The following TMEM92 variants were observed in gnomAD, a reference collection of about 807,000 sequenced individuals.
TMEM92 encodes transmembrane protein 92.
Under a neutral mutation model 14.6 loss-of-function variants are expected in TMEM92, and 15 were observed. The ratio of observed to expected loss-of-function variants is 1.03; its 90% CI spans 0.69 to 1.58. The LOEUF (loss-of-function observed/expected upper bound fraction) is 1.58. Ranked by LOEUF, TMEM92 falls within the 40% of genes most tolerant of loss-of-function variation. TMEM92 has a pLI of 0.00. For synonymous variants in TMEM92, 85 were observed against 83.3 expected (o/e 1.02, Z -0.11); for missense variants, 174 against 202.4 (o/e 0.86, Z 0.85).
chr17:50,277,566 G>T, intron 1 of TMEM92, 149 bp from the exon 2 acceptor site: 1 of 858,822 alleles, frequency 1.2e-6, no homozygotes, highest in Non-Finnish European at 1.9e-6. Context: ...GAACACGGTG[G>T]AGTGAGGTGG....
chr17:50,277,477 G>C (rs912625441), intron 1 of TMEM92, among the ~76,000 whole-genome samples: 15 of 152,050 alleles, frequency 9.9e-5, no homozygotes, highest in African/African-American at 3.1e-4. Flanking sequence ...TTACAAACCC[G>C]GGGGTGATGG....
chr17:50,277,016 T>C (rs1156835596), intron 1 of TMEM92, among the ~76,000 whole-genome samples: 1 of 151,854 alleles, frequency 6.6e-6, no homozygotes, highest in East Asian at 1.9e-4. Flanking sequence ...TTGCTATCAA[T>C]GGAGGGAAAT....
intron 1 of TMEM92, chr17:50,274,788 G>A: frequency 3.5e-6 from 2 of 570,984 alleles, no homozygotes; most frequent in Non-Finnish European, 6.2e-6. Context: ...GGGGGATCCT[G>A]TGGTGGGAAG....
Position 50,278,895 on chromosome 17 carries a change from G to C in TMEM92, c.265G>C (p.Asp89His), listed in dbSNP as rs1910519327. 2 of 1,613,788 alleles carry C rather than the reference G, an allele frequency of 1.2e-6. No individual in the cohort carries two copies. The highest frequency in any genetic ancestry group is 1.7e-5 in the Admixed American group (1 of 59,994). Residue 89 changes from aspartate to histidine, a missense_variant, in exon 4 of 5, where the codon GAC becomes CAC. Transcript: ENST00000507382. Reference protein sequence around the residue: ...FCRNCREPEPDSPVDCRGPLE... With the variant: ...FCRNCREPEPHSPVDCRGPLE... ...TCGCAACTGCAGAGAGCCGGAGCCA[G>C]ACAGCCCAGTGGATTGCCGGGGGCC...
chr17:50,278,463 T>G, intron 2 of TMEM92, 93 bp from the exon 3 acceptor site: 3 of 1,409,390 alleles, frequency 2.1e-6, no homozygotes, highest in Non-Finnish European at 3.0e-6. Context: ...GCCATGAGCA[T>G]CTTGGGTGTA....
upstream of TMEM92, among the ~76,000 whole-genome samples, chr17:50,273,865 G>C (rs1039910524): frequency 6.6e-6 from 1 of 152,200 alleles, no homozygotes; most frequent in Non-Finnish European, 1.5e-5. Context: ...CGCCGGTCCC[G>C]GCACCCCTCC....
chr17:50,273,486 C>A (rs12952062), upstream of TMEM92, among the ~76,000 whole-genome samples: 17,495 of 152,268 alleles, frequency 0.11, 1,100 homozygotes, highest in East Asian at 0.24. Flanking sequence ...TGGCAGAGGA[C>A]CAGCCCCAGC....
At chr17:50,278,730 G>A in intron 3 of TMEM92, 71 bp from the exon 4 acceptor site, 1 of 1,571,444 alleles carries the variant, frequency 6.4e-7, no homozygotes, top group Non-Finnish European at 8.6e-7. Flanking sequence ...TGGGCGGCGG[G>A]AGCGGGGAGA....
At position 50,274,638 on chromosome 17, in the gene TMEM92, G is replaced by A. The variant is rs941203417; in HGVS notation, c.69+68G>A. ...CTTGTAGGTCAGGAGCCTGCTTCTGGAGCCTGGTCGCCACCTTCCAGAATC... is the reference window on the plus strand; with the variant it reads ...CTTGTAGGTCAGGAGCCTGCTTCTGAAGCCTGGTCGCCACCTTCCAGAATC... On this transcript the variant is annotated intron_variant, in intron 1 of 4. Coordinates refer to ENST00000507382, the MANE Select transcript of TMEM92 (RefSeq NM_153229.3). 120 of 1,386,914 alleles carry A rather than the reference G, an allele frequency of 8.7e-5. No homozygotes were observed. In the African/African-American group the frequency reaches 1.5e-3, roughly 17 times the overall value. The allele number at this position is 1,386,914 out of a possible 1,614,324, so 85.9% of individuals were successfully genotyped here. A position where few individuals can be genotyped will look rare whatever the true frequency, so the allele number is the denominator to read the frequency against.
chr17:50,279,022 C>T (rs1910526266), intron 4 of TMEM92, 26 bp downstream of exon 4: 1 of 1,532,170 alleles, frequency 6.5e-7, no homozygotes, highest in Middle Eastern at 1.7e-4. Flanking sequence ...CCATCCCCAC[C>T]TTGCCTCTGG....
At chr17:50,276,716 T>C (rs536930307) in intron 1 of TMEM92, among the ~76,000 whole-genome samples, 1 of 152,326 alleles carries the variant, frequency 6.6e-6, no homozygotes, top group East Asian at 1.9e-4. Context: ...AATTGATGAA[T>C]GCACGTTCAT....
chr17:50,274,932 C>G (rs1244962189), intron 1 of TMEM92: 1 of 254,230 alleles, frequency 3.9e-6, no homozygotes, highest in Admixed American at 5.3e-5. Flanking sequence ...AGCACTTAGC[C>G]CCAGCTCAGT....
At chr17:50,271,958 T>G (rs1289941913), upstream of TMEM92, among the ~76,000 whole-genome samples, 1 of 152,136 alleles carries the variant, frequency 6.6e-6, no homozygotes, top group Non-Finnish European at 1.5e-5. Context: ...GAGAATTGCT[T>G]GAATCTGGGA....
chr17:50,279,059 G>A, intron 4 of TMEM92, 63 bp downstream of exon 4: 1 of 1,411,862 alleles, frequency 7.1e-7, no homozygotes, highest in Non-Finnish European at 9.9e-7. Context: ...GACAGTGGAG[G>A]GCCCTTCGAT....
In TMEM92 at chr17:50,279,419, T is replaced by G. The variant is rs1287342769; in HGVS notation, c.*111T>G. 2 of 852,610 alleles carry G rather than the reference T, an allele frequency of 2.3e-6. No homozygotes were observed. Among genetic ancestry groups the G allele is most frequent in the African/African-American group, 3.4e-5 (2 of 58,268 alleles). 52.8% of individuals were successfully genotyped at this position (852,610 alleles called of 1,614,324 possible). ...ATGTCCCTGCCCATCCTGCCGTGTCTCTGTTCATTCTTGGATTTAACTTAT... is the reference window on the plus strand; with the variant it reads ...ATGTCCCTGCCCATCCTGCCGTGTCGCTGTTCATTCTTGGATTTAACTTAT... On this transcript the variant is annotated 3_prime_UTR_variant, in exon 5 of 5. Transcript: ENST00000507382.
upstream of TMEM92, among the ~76,000 whole-genome samples, chr17:50,272,287 T>C (rs1235895984): frequency 2.0e-5 from 3 of 151,896 alleles, no homozygotes; most frequent in Admixed American, 2.0e-4. Context: ...CATGCCCTTC[T>C]CAGCACCCTC....
chr17:50,277,268 C>CG (rs1257622524), intron 1 of TMEM92, among the ~76,000 whole-genome samples: 5 of 152,048 alleles, frequency 3.3e-5, no homozygotes, highest in South Asian at 4.1e-4. Flanking sequence ...GCTGCTCACT[C>CG]GGGAGGTCTC....
chr17:50,271,756 G>A (rs530172449), upstream of TMEM92, among the ~76,000 whole-genome samples: 60 of 152,266 alleles, frequency 3.9e-4, no homozygotes, highest in African/African-American at 1.3e-3. Context: ...ATATTGCATG[G>A]GCCCAGGTGT....
At chr17:50,276,421 G>A (rs534090600) in intron 1 of TMEM92, among the ~76,000 whole-genome samples, 1 of 152,324 alleles carries the variant, frequency 6.6e-6, no homozygotes, top group South Asian at 2.1e-4. Context: ...TACTCAGCCT[G>A]GGACTGAGCG....
Sources: gnomAD v4.1 joint callset for allele counts (sites outside exome capture counted in the v4.1 genomes callset) on GRCh38, gnomAD v4.1.1 for gene constraint, MANE v1.5 for transcripts, NCBI Gene and HGNC (gene_info 2026-07-23, HGNC 2026-07-21) for gene names.